ROBO1: variants seen among roughly 807,000 people sequenced by gnomAD.
ROBO1 encodes roundabout guidance receptor 1, also known as roundabout homolog 1.
ROBO1 carries 149 observed loss-of-function variants against 195.9 expected under a neutral mutation model. The ratio of observed to expected loss-of-function variants is 0.76; its 90% CI spans 0.67 to 0.87. The LOEUF is 0.87. Among genes scored for constraint, ROBO1 ranks in the 40% least tolerant of loss-of-function variants. ROBO1 has a pLI of 0.00. For synonymous variants in ROBO1, 816 were observed against 733.2 expected, an observed-to-expected ratio of 1.11 and a Z score of -1.82; for missense variants, 1,933 against 2,068.3, an observed-to-expected ratio of 0.93 and a Z score of 1.27.
intron 2 of ROBO1, among the ~76,000 whole-genome samples, chr3:79,490,361 C>A (rs1330799268): frequency 6.6e-6 from 1 of 152,136 alleles, no homozygotes; most frequent in Non-Finnish European, 1.5e-5. Flanking sequence ...TTTCCTCTAC[C>A]CTCCAGTAGG....
intron 1 of ROBO1, among the ~76,000 whole-genome samples, chr3:79,684,653 TATGATGATG>T (rs111991356): frequency 6.6e-6 from 1 of 151,022 alleles, no homozygotes; most frequent in African/African-American, 2.4e-5. Context: ...ACTCCTGAAT[TATGATGATG>T]ATGATGATGA....
Position 78,606,837 on chromosome 3 carries a change from G to A in ROBO1, c.4640C>T (p.Pro1547Leu), listed in dbSNP as rs750774836. The change falls in exon 29 of 31, where the codon CCA becomes CTA. Residue 1547 changes from proline to leucine, a missense_variant. Pro to Leu is a moderately conservative substitution (Grantham distance 98). Around this residue, in one of 3 missense-constraint regions of ROBO1, gnomAD observed 1,737 missense variants for 1,882.5 expected, o/e 0.92. Coordinates refer to ENST00000464233, the MANE Select transcript of ROBO1 (RefSeq NM_002941.4). The part of the protein sequence containing the change: ...GRQVVDMRTN[P>L]GDPREAQEQQ... ...TTCCTGTGCTTCTCTGGGATCACCT[G>A]GATTTGTTCGCATGTCAACAACCTG... 5.0e-6 allele frequency: 8 copies of A among 1,613,698 alleles called. No homozygotes were observed. The highest frequency in any genetic ancestry group is 6.8e-6 in the Non-Finnish European group (8 of 1,179,878).
At chr3:79,589,420 T>C (rs1314453024) in intron 2 of ROBO1, among the ~76,000 whole-genome samples, 2 of 151,754 alleles carry the variant, frequency 1.3e-5, no homozygotes, top group East Asian at 3.9e-4. Context: ...CGCTAAGAAA[T>C]GTCAGTTTTC....
chr3:79,645,633 T>C lies in ROBO1; in HGVS notation c.-50-55672A>G, dbSNP rs181964787. Among the ~76,000 whole-genome samples the C allele has an allele frequency of 2.2e-3, 342 of 152,218 alleles. 1 individual carries two copies. Among genetic ancestry groups the C allele is most frequent in the African/African-American group, 7.7e-3 (321 of 41,554 alleles). The stretch of plus-strand genomic sequence containing the variant: ...AAATAGAAAGACCAATCCTACACTT[T>C]ATATTGAACCGTAATAGACCCCTAA... On this transcript the variant is annotated intron_variant, in intron 1 of 30. Transcript: ENST00000464233.
At chr3:78,801,402 T>A (rs2108576787) in intron 4 of ROBO1, among the ~76,000 whole-genome samples, 1 of 152,288 alleles carries the variant, frequency 6.6e-6, no homozygotes, top group Non-Finnish European at 1.5e-5. Flanking sequence ...ATTTAATGCT[T>A]CAATATACAA....
chr3:79,606,752 G>T (rs1024945526), intron 1 of ROBO1, among the ~76,000 whole-genome samples: 3 of 133,220 alleles, frequency 2.3e-5, no homozygotes, highest in Non-Finnish European at 4.9e-5. Context: ...TAGACCACCT[G>T]TGTTTATTCA....
chr3:78,955,500 G>A (rs773300675), intron 3 of ROBO1, among the ~76,000 whole-genome samples: 24 of 151,968 alleles, frequency 1.6e-4, no homozygotes, highest in Admixed American at 7.2e-4. Flanking sequence ...CTTAACCATA[G>A]GAGGGTTTTT....
At chr3:79,571,082 A>G (rs1444362231) in intron 2 of ROBO1, among the ~76,000 whole-genome samples, 1 of 152,232 alleles carries the variant, frequency 6.6e-6, no homozygotes, top group African/African-American at 2.4e-5. Flanking sequence ...CTGGGTGATA[A>G]TGGTTTTGAC....
chr3:79,063,212 C>T (rs1419239443), intron 3 of ROBO1, among the ~76,000 whole-genome samples: 1 of 151,786 alleles, frequency 6.6e-6, no homozygotes, highest in Non-Finnish European at 1.5e-5. Flanking sequence ...CATATTTGCC[C>T]CTTGAGGTAT....
At chr3:79,019,303 A>G (rs1273265261) in intron 3 of ROBO1, 3 of 985,680 alleles carry the variant, frequency 3.0e-6, no homozygotes, top group Non-Finnish European at 3.6e-6. Flanking sequence ...TGGAAGCTGT[A>G]AAGAGGCAGC....
chr3:78,737,865 C>CA (rs1421369526), intron 5 of ROBO1, among the ~76,000 whole-genome samples: 5 of 151,948 alleles, frequency 3.3e-5, no homozygotes, highest in South Asian at 2.1e-4. Flanking sequence ...AGATGAACCC[C>CA]AAAAAAATCT....
chr3:79,546,374 A>G (rs975355263), intron 2 of ROBO1, among the ~76,000 whole-genome samples: 28 of 152,188 alleles, frequency 1.8e-4, no homozygotes, highest in Non-Finnish European at 1.8e-4. Context: ...GTTGGTGCCT[A>G]TAACATTCAC....
At chr3:79,431,090 A>G (rs573037707) in intron 2 of ROBO1, among the ~76,000 whole-genome samples, 65 of 152,236 alleles carry the variant, frequency 4.3e-4, no homozygotes, top group African/African-American at 1.5e-3. Context: ...TGGGTATTAC[A>G]AAAACAGAGT....
At chr3:79,336,827 C>A in intron 2 of ROBO1, among the ~76,000 whole-genome samples, 1 of 152,236 alleles carries the variant, frequency 6.6e-6, no homozygotes, top group Non-Finnish European at 1.5e-5. Context: ...CTGTACCCTG[C>A]AAAGCCACAG....
At chr3:78,885,798 C>T (rs2036524694) in intron 4 of ROBO1, among the ~76,000 whole-genome samples, 1 of 150,846 alleles carries the variant, frequency 6.6e-6, no homozygotes, top group Non-Finnish European at 1.5e-5. Context: ...GTAAATCCTA[C>T]ATGGACTATT....
chr3:79,051,906 A>C (rs1013048083), intron 3 of ROBO1, among the ~76,000 whole-genome samples: 3 of 152,046 alleles, frequency 2.0e-5, no homozygotes, highest in African/African-American at 7.2e-5. Context: ...TCTTAATCCC[A>C]TCATCTTCCT....
chr3:78,694,560 T>TA (rs1360859973), intron 8 of ROBO1, among the ~76,000 whole-genome samples: 1 of 152,204 alleles, frequency 6.6e-6, no homozygotes, highest in Non-Finnish European at 1.5e-5. Context: ...AAACTAAGCA[T>TA]AATTTTTCAC....
chr3:78,868,869 A>T (rs1190169784), intron 4 of ROBO1, among the ~76,000 whole-genome samples: 1 of 152,184 alleles, frequency 6.6e-6, no homozygotes, highest in Admixed American at 6.5e-5. Flanking sequence ...TCCCCTTTAA[A>T]TATGTAACCT....
chr3:79,310,889 A>T (rs1447086137), intron 2 of ROBO1, among the ~76,000 whole-genome samples: 2 of 152,242 alleles, frequency 1.3e-5, no homozygotes, highest in East Asian at 3.8e-4. Flanking sequence ...AATTTCATTA[A>T]CATGAAAGAA....
Sources: allele counts gnomAD v4.1 joint callset (sites outside exome capture counted in the v4.1 genomes callset), GRCh38; gene constraint gnomAD v4.1.1; regional missense constraint gnomAD v4.1.1; transcripts MANE v1.5; gene names NCBI Gene and HGNC (gene_info 2026-07-23, HGNC 2026-07-21).